CD82: variants seen among roughly 807,000 people sequenced by gnomAD.
CD82 encodes CD82 molecule, also known as CD82 antigen.
Under a neutral mutation model 37.4 loss-of-function variants are expected in CD82, and 36 were observed. The ratio of observed to expected loss-of-function variants is 0.96; its 90% CI spans 0.74 to 1.27. CD82 has a LOEUF of 1.27. Among genes scored for constraint, CD82 ranks in the 50% most tolerant of loss-of-function variants. CD82 has a pLI of 0.00. For synonymous variants in CD82, 158 were observed against 137.4 expected (o/e 1.15, Z -1.05); for missense variants, 340 against 347.0 (o/e 0.98, Z 0.16).
At chr11:44,593,342 C>G (rs189085347) in intron 2 of CD82, among the ~76,000 whole-genome samples, 2 of 152,356 alleles carry the variant, frequency 1.3e-5, no homozygotes, top group East Asian at 3.9e-4. Flanking sequence ...GGCCTGGTGC[C>G]GTCCCCTCCA....
chr11:44,588,855 A>G (rs1432360635), intron 2 of CD82, among the ~76,000 whole-genome samples: 1 of 152,242 alleles, frequency 6.6e-6, no homozygotes, highest in Non-Finnish European at 1.5e-5. Flanking sequence ...AAATATTAAT[A>G]TAATAATTTT....
In CD82 at chr11:44,619,117, C is replaced by G. The variant is rs148874083; in HGVS notation, c.795C>G (p.Pro265=). The change falls in exon 10 of 10, where the codon CCC becomes CCG. Residue 265 remains proline, a synonymous_variant. Coordinates refer to ENST00000227155, the MANE Select transcript of CD82 (RefSeq NM_002231.4). Reference sequence around the variant, plus strand: ...ATTCCGAAGACTACAGCAAGGTCCCCAAGTACTGAGGCAGCTGCTATCCCC... The same window carrying G: ...ATTCCGAAGACTACAGCAAGGTCCCGAAGTACTGAGGCAGCTGCTATCCCC... ...HVHSEDYSKV[P]KY 702 of 1,613,474 alleles carry G rather than the reference C, an allele frequency of 4.4e-4. No individual in the cohort carries two copies. The highest frequency in any genetic ancestry group is 5.8e-4 in the Non-Finnish European group (687 of 1,179,622).
rs911829787 is a variant in CD82 at position 44,597,019 on chromosome 11, C to G, written c.63+2294C>G. 3 of 456,024 alleles carry G rather than the reference C, an allele frequency of 6.6e-6. No homozygotes were observed. Among genetic ancestry groups the G allele is most frequent in the Non-Finnish European group, 8.8e-6 (2 of 226,922 alleles). 28.2% of individuals were successfully genotyped at this position (456,024 alleles called of 1,614,324 possible). On this transcript the variant is annotated intron_variant, in intron 3 of 9. Coordinates refer to ENST00000227155, the MANE Select transcript of CD82 (RefSeq NM_002231.4). This position sits in a 1 kb window ranked among gnomAD's most constrained non-coding sequence, Gnocchi z 4.1. ...TGGGTGTGGCTTTGGAGAGGGGGATCCTGGCAGCAGGGGCAGCCGGTGGAG... is the reference window on the plus strand; with the variant it reads ...TGGGTGTGGCTTTGGAGAGGGGGATGCTGGCAGCAGGGGCAGCCGGTGGAG...
intron 3 of CD82, among the ~76,000 whole-genome samples, chr11:44,596,237 C>G (rs976848977): frequency 7.2e-5 from 11 of 152,256 alleles, no homozygotes; most frequent in African/African-American, 2.7e-4. Context: ...CTTTGGGAAG[C>G]AGCTGCCTGT....
intron 1 of CD82, chr11:44,587,182 T>C (rs935271255): frequency 2.9e-6 from 1 of 343,724 alleles, no homozygotes; most frequent in African/African-American, 2.1e-5. Context: ...GGAGGAGGGA[T>C]GTCAGCCTTC....
At chr11:44,595,908 C>CAAAAAAAAAAAAAA (rs71449886) in intron 3 of CD82, among the ~76,000 whole-genome samples, 2 of 69,662 alleles carry the variant, frequency 2.9e-5, no homozygotes, top group African/African-American at 1.2e-4. Context: ...TGTTTCTCTA[C>CAAAAAAAAAAAAAA]AAAAAAAAAA....
intron 1 of CD82, among the ~76,000 whole-genome samples, chr11:44,568,822 C>G (rs1259736991): frequency 4.6e-5 from 7 of 152,186 alleles, no homozygotes; most frequent in Admixed American, 4.6e-4. Context: ...CCCTAAGGAC[C>G]AGACAGTCCT....
rs992811055 is a variant in CD82, at chr11:44,597,976, C to T, written c.64-2182C>T. On this transcript the variant is annotated intron_variant, in intron 3 of 9. Transcript: ENST00000227155. The surrounding 1 kb of genome is among the most constrained non-coding windows in gnomAD (Gnocchi z 4.1). ...CAGTGTCTCAGGGGCTTTTCTGTCC[C>T]GAGACTGGCTTTCTGGGTGAAGGCC... 5.3e-5 allele frequency among the ~76,000 whole-genome samples: 8 copies of T among 152,170 alleles called. No homozygotes were observed. The highest frequency in any genetic ancestry group is 3.8e-4 in the East Asian group (2 of 5,206).
At chr11:44,595,710 CA>C (rs1486711871) in intron 3 of CD82, among the ~76,000 whole-genome samples, 3 of 151,820 alleles carry the variant, frequency 2.0e-5, no homozygotes, top group Admixed American at 6.6e-5. Context: ...GTTTGGGGAA[CA>C]GGGGGTTTAC....
intron 7 of CD82, among the ~76,000 whole-genome samples, chr11:44,616,744 C>T (rs752272256): frequency 1.1e-4 from 16 of 152,202 alleles, no homozygotes; most frequent in Non-Finnish European, 2.4e-4. Flanking sequence ...GTTTTAGTCA[C>T]CATGCACATC....
intron 8 of CD82, 68 bp downstream of exon 8, chr11:44,618,433 A>G: frequency 7.2e-7 from 1 of 1,380,394 alleles, no homozygotes. Context: ...GCTACTGCTC[A>G]GCAATTCCTT....
rs2134647266 is a variant in CD82, at chr11:44,590,103, G to T, written c.-21+2547G>T. ...CTGCCTCAGCCTCCCAAAGTGCTGG[G>T]ATTACAGGTGTGAGCCACCGCGCCT... On this transcript the variant is annotated intron_variant, in intron 2 of 9. Coordinates refer to ENST00000227155, the MANE Select transcript of CD82 (RefSeq NM_002231.4). 1.3e-5 allele frequency among the ~76,000 whole-genome samples: 2 copies of T among 151,024 alleles called. 1 individual carries two copies. The highest frequency in any genetic ancestry group is 4.2e-4 in the South Asian group (2 of 4,746).
At chr11:44,577,917 A>G (rs549639699) in intron 1 of CD82, among the ~76,000 whole-genome samples, 2 of 152,270 alleles carry the variant, frequency 1.3e-5, no homozygotes, top group East Asian at 3.9e-4. Flanking sequence ...ATAATGGGCC[A>G]AGGACTGGGC....
At chr11:44,612,338 T>G (rs1182303079) in intron 6 of CD82, among the ~76,000 whole-genome samples, 5 of 152,246 alleles carry the variant, frequency 3.3e-5, no homozygotes, top group African/African-American at 7.2e-5. Context: ...GTTTGTTTTC[T>G]GCATCTCTAT....
At chr11:44,587,217 C>T (rs891305) in intron 1 of CD82, 335,546 of 341,648 alleles carry the variant, frequency 0.98, 164,831 homozygotes, top group Non-Finnish European at 0.99. Context: ...TGGGAAAATA[C>T]GGGAAAAGAG....
chr11:44,614,504 C>T (rs1853532701), intron 6 of CD82, among the ~76,000 whole-genome samples: 2 of 152,246 alleles, frequency 1.3e-5, no homozygotes, highest in Non-Finnish European at 2.9e-5. Flanking sequence ...CCACGGGGGA[C>T]CCTGTAGTGA....
Position 44,618,679 on chromosome 11 carries a change from C to T in CD82, c.682C>T (p.Leu228=), listed in dbSNP as rs776567252. 3.1e-6 allele frequency: 5 copies of T among 1,613,332 alleles called. No individual in the cohort carries two copies. The highest frequency in any genetic ancestry group is 2.7e-5 in the African/African-American group (2 of 74,904). The part of the protein sequence containing the change: ...EKVQAWLQEN[L]GIILGVGVGV... ...GGTGCAGGCGTGGCTGCAGGAGAAC[C>T]TGGGCATCATCCTCGGCGTGGGCGT... The change falls in exon 9 of 10, where the codon CTG becomes TTG. Residue 228 remains leucine (L), a synonymous_variant. Coordinates refer to ENST00000227155, the MANE Select transcript of CD82 (RefSeq NM_002231.4).
chr11:44,576,963 G>A (rs182228818), intron 1 of CD82, among the ~76,000 whole-genome samples: 1 of 152,016 alleles, frequency 6.6e-6, no homozygotes, highest in Non-Finnish European at 1.5e-5. Flanking sequence ...CCCCTAAGAC[G>A]GGAGAACTCT....
At chr11:44,581,292 A>G (rs896560205) in intron 1 of CD82, among the ~76,000 whole-genome samples, 3 of 152,196 alleles carry the variant, frequency 2.0e-5, no homozygotes, top group Admixed American at 1.3e-4. Flanking sequence ...CCAACCAGCA[A>G]GGTGACCTTG....
Sources: gnomAD v4.1 joint callset for allele counts (sites outside exome capture counted in the v4.1 genomes callset) on GRCh38, gnomAD v4.1.1 for gene constraint, Gnocchi (gnomAD v3.1) non-coding constraint, MANE v1.5 for transcripts, NCBI Gene and HGNC (gene_info 2026-07-23, HGNC 2026-07-21) for gene names.